Variants in SEC14L4 observed in about 807,000 individuals in gnomAD.
SEC14L4 encodes the protein SEC14 like lipid binding 4.
A neutral mutation model predicts 55.1 loss-of-function variants in SEC14L4; 42 were observed. The observed-to-expected ratio is 0.76, with a 90% CI of 0.60 to 0.99. The LOEUF (loss-of-function observed/expected upper bound fraction) is 0.99, where lower values mean the gene tolerates loss of function less well. Among genes scored for constraint, SEC14L4 ranks in the 50% least tolerant of loss-of-function variants. The pLI is 0.00. For synonymous variants in SEC14L4, 206 were observed against 206.8 expected, an observed-to-expected ratio of 1.00 and a Z score of 0.03; for missense variants, 445 against 512.1, an observed-to-expected ratio of 0.87 and a Z score of 1.27.
At chr22:30,501,805 C>T (rs1392699908) in intron 2 of SEC14L4, among the ~76,000 whole-genome samples, 1 of 142,642 alleles carries the variant, frequency 7.0e-6, no homozygotes, top group East Asian at 2.0e-4. Context: ...TAAAACTATT[C>T]TAAAAATTAA....
At chr22:30,501,344 G>A (rs1301407436) in intron 2 of SEC14L4, among the ~76,000 whole-genome samples, 1 of 152,114 alleles carries the variant, frequency 6.6e-6, no homozygotes, top group Non-Finnish European at 1.5e-5. Flanking sequence ...GGAAGCCTAG[G>A]TATCTGCAAT....
chr22:30,494,946 C>A lies in SEC14L4; in HGVS notation c.439G>T (p.Glu147Ter), dbSNP rs202208921. Residue 147 changes from glutamate (E) to a stop codon, truncating the protein, a stop_gained, in exon 6 of 12, where the codon GAG (glutamate) becomes TAG (stop). Coordinates refer to ENST00000255858, the MANE Select transcript of SEC14L4 (RefSeq NM_174977.4). LOFTEE classifies it high-confidence loss of function. ...LQTQKLGRKI[E>*]MALMVFDMEG... ...ATGTCAAACACCATCAGCGCCATCT[C>A]GATCTTCCTGCCCAGCTGCTTGGGA... 410 of 1,613,296 alleles carry A rather than the reference C, an allele frequency of 2.5e-4. 1 individual carries two copies. Among genetic ancestry groups the A allele is most frequent in the Non-Finnish European group, 3.3e-4 (393 of 1,179,900 alleles).
chr22:30,494,233 G>C, intron 6 of SEC14L4, 23 bp from the exon 7 acceptor site: 1 of 1,602,732 alleles, frequency 6.2e-7, no homozygotes. Context: ...GATGAGTCTG[G>C]TTGGGGCTCT....
rs577477910 is a variant in SEC14L4, at chr22:30,495,369, A to C, written c.308T>G (p.Ile103Ser). ...YEGCPVYFNIIGSLDPKGLLL... is the reference protein window; with the variant it reads ...YEGCPVYFNISGSLDPKGLLL... Reference sequence around the variant, plus strand: ...GAGACCCTTGGGGTCGAGGGACCCAATGATGTTGAAGTACACAGGGCAGCC... The same window carrying C: ...GAGACCCTTGGGGTCGAGGGACCCACTGATGTTGAAGTACACAGGGCAGCC... The change falls in exon 5 of 12, where the codon ATT (isoleucine) becomes AGT (serine). Residue 103 changes from isoleucine (I) to serine (S), a missense_variant. By Grantham distance (142) the Ile-to-Ser change is moderately radical. Transcript: ENST00000255858. 5 of 1,613,954 alleles carry C rather than the reference A, an allele frequency of 3.1e-6. No homozygotes were observed. Among genetic ancestry groups the C allele is most frequent in the Non-Finnish European group, 4.2e-6 (5 of 1,180,022 alleles).
chr22:30,491,429 G>A, intron 11 of SEC14L4, 144 bp downstream of exon 11: 1 of 844,750 alleles, frequency 1.2e-6, no homozygotes, highest in South Asian at 1.7e-5. Flanking sequence ...TACAGGTAGG[G>A]GCCACTCATC....
In SEC14L4 at chr22:30,491,578, C is replaced by T. The variant is rs771303466; in HGVS notation, c.1076G>A (p.Gly359Asp). Residue 359 changes from glycine (G) to aspartate (D), a missense_variant, in exon 11 of 12, where the codon GGC (glycine) becomes GAC (aspartate). Transcript: ENST00000255858. ...EDGSLTCLQA[G>D]VYVLRFDNTY... ...GTAAACCCCGCAGCTCTTACAGACG[C>T]CAGCCTGGAGGCAGGTGAGGCTCCC... The T allele has an allele frequency of 4.3e-6, 7 of 1,614,128 alleles. No homozygotes were observed. Among genetic ancestry groups the T allele is most frequent in the Middle Eastern group, 1.6e-4 (1 of 6,062 alleles).
rs372253628 is a variant in SEC14L4 at position 30,489,221 on chromosome 22, C to G, written c.*886G>C. ...GCCCCACCTCTCCATGTCCAATGTT[C>G]TTTCTTTATTTGTTTGTTTGTTTGT... On this transcript the variant is annotated 3_prime_UTR_variant, in exon 12 of 12. Coordinates refer to ENST00000255858, the MANE Select transcript of SEC14L4 (RefSeq NM_174977.4). 1 of 136,526 alleles carries G rather than the reference C, an allele frequency of 7.3e-6. No individual in the cohort carries two copies. Among genetic ancestry groups the G allele is most frequent in the Non-Finnish European group, 1.6e-5 (1 of 63,026 alleles). 8.5% of individuals were successfully genotyped at this position (136,526 alleles called of 1,614,324 possible).
rs764507377 is a variant in SEC14L4 at position 30,495,808 on chromosome 22, CG to C, written c.174+119del. 5.5e-5 allele frequency: 88 copies of C among 1,589,878 alleles called. 3 individuals carry two copies. The South Asian group carries it at 9.3e-4, about 17-fold the overall frequency. On this transcript the variant is annotated intron_variant, in intron 3 of 11. Transcript: ENST00000255858. The stretch of plus-strand genomic sequence containing the variant: ...ACTTGGGTCTGATGCAGAAAGAGAT[CG>C]GGGGAGGAAGAAAGAAGAAACAGGA...
At chr22:30,500,165 C>T (rs934650167) in intron 2 of SEC14L4, among the ~76,000 whole-genome samples, 3 of 152,102 alleles carry the variant, frequency 2.0e-5, no homozygotes, top group Non-Finnish European at 2.9e-5. Flanking sequence ...CCACCGCGCC[C>T]GGCCAACTGG....
At chr22:30,491,459 T>C (rs9608942) in intron 11 of SEC14L4, 114 bp downstream of exon 11, 268,796 of 1,244,986 alleles carry the variant, frequency 0.22, 30,942 homozygotes, top group Admixed American at 0.25. Flanking sequence ...GCCCCAAAGC[T>C]GGCTCCCCTG....
At position 30,490,938 on chromosome 22, in the gene SEC14L4, A is replaced by T. The variant is rs116995142; in HGVS notation, c.1081+635T>A. Among the ~76,000 whole-genome samples, 126 of 152,268 alleles carry T rather than the reference A, an allele frequency of 8.3e-4. 1 individual carries two copies. In the East Asian group the frequency reaches 0.014, roughly 17 times the overall value. On this transcript the variant is annotated intron_variant, in intron 11 of 11. Transcript: ENST00000255858. ...ATGTCCTTCAATGCCAAGGTCCAAC[A>T]TGAACTCAGGTGTGATGAGTCGTGC...
Position 30,505,591 on chromosome 22 carries a change from G to T in SEC14L4, c.21C>A (p.Asp7Glu). 1 of 1,568,862 alleles carries T rather than the reference G, an allele frequency of 6.4e-7. No individual in the cohort carries two copies. Among genetic ancestry groups the T allele is most frequent in the Non-Finnish European group, 8.6e-7 (1 of 1,160,740 alleles). The change falls in exon 1 of 12, where the codon GAC becomes GAA. Residue 7 changes from aspartate to glutamate, a missense_variant. Transcript: ENST00000255858. MSSRVGDLSPQQQEALA... is the reference protein window; with the variant it reads MSSRVGELSPQQQEALA... ...GCGCTTCCTGCTGCTGGGGGCTCAG[G>T]TCCCCGACTCGGCTGCTCATGGTGC...
At position 30,496,866 on chromosome 22, in the gene SEC14L4, T is replaced by C. The variant is rs540673898; in HGVS notation, c.131-895A>G. 2.0e-5 allele frequency among the ~76,000 whole-genome samples: 3 copies of C among 152,312 alleles called. No homozygotes were observed. The South Asian group carries it at 6.2e-4, about 32-fold the overall frequency. On this transcript the variant is annotated intron_variant, in intron 2 of 11. Coordinates refer to ENST00000255858, the MANE Select transcript of SEC14L4 (RefSeq NM_174977.4). ...TTTTGAAGAAATAGACACACTTTAA[T>C]TGAAAACATGATGCTGTATTTTAGA...
chr22:30,493,255 T>A (rs1936027315), intron 7 of SEC14L4, among the ~76,000 whole-genome samples: 1 of 152,152 alleles, frequency 6.6e-6, no homozygotes, highest in Admixed American at 6.6e-5. Context: ...GGGTGTGACA[T>A]CTACATGAGA....
In SEC14L4 at chr22:30,505,627, A is replaced by C; in HGVS notation, c.-16T>G. On this transcript the variant is annotated 5_prime_UTR_variant, in exon 1 of 12. Transcript: ENST00000255858. Reference sequence around the variant, plus strand: ...GGCTGCTCATGGTGCCCGCGGGCGCAGAAAGGCTCAGGGCGCAGGTCCGCC... The same window carrying C: ...GGCTGCTCATGGTGCCCGCGGGCGCCGAAAGGCTCAGGGCGCAGGTCCGCC... 1 of 1,546,280 alleles carries C rather than the reference A, an allele frequency of 6.5e-7. No homozygotes were observed. The highest frequency in any genetic ancestry group is 8.7e-7 in the Non-Finnish European group (1 of 1,151,020).
chr22:30,491,790 C>A, intron 10 of SEC14L4, 44 bp downstream of exon 10: 1 of 1,612,114 alleles, frequency 6.2e-7, no homozygotes, highest in East Asian at 2.2e-5. Context: ...GGGCTCCAGG[C>A]CCCTCCCAGA....
Position 30,495,978 on chromosome 22 carries a change from G to A in SEC14L4, c.131-7C>T. ...TGCAGGTCAAAGTTTCGAGCTGCAA[G>A]AAGAGGAGGTAAATAGAAGCTCAAG... is the stretch of plus-strand genomic sequence containing the variant. On this transcript the variant is annotated splice_polypyrimidine_tract_variant and splice_region_variant and intron_variant, in intron 2 of 11. Transcript: ENST00000255858. The A allele has an allele frequency of 6.2e-7, 1 of 1,613,410 alleles. No homozygotes were observed. Among genetic ancestry groups the A allele is most frequent in the Non-Finnish European group, 8.5e-7 (1 of 1,179,620 alleles).
rs1474695217 is a variant in SEC14L4, at chr22:30,490,171, G to A, written c.1157C>T (p.Pro386Leu). The A allele has an allele frequency of 6.2e-7, 1 of 1,614,144 alleles. No homozygotes were observed. ...CAGCGTCTCCTCAGAGGCCTTGTCGGGAAGCAGCACCTCCACAGTGTAGCT... is the reference window on the plus strand; with the variant it reads ...CAGCGTCTCCTCAGAGGCCTTGTCGAGAAGCAGCACCTCCACAGTGTAGCT... ...KLSYTVEVLL[P>L]DKASEETLQS... The change falls in exon 12 of 12, where the codon CCC (proline) becomes CTC (leucine). Residue 386 changes from proline (P) to leucine (L), a missense_variant. Physicochemically the swap from Pro to Leu is moderately conservative, Grantham distance 98. Coordinates refer to ENST00000255858, the MANE Select transcript of SEC14L4 (RefSeq NM_174977.4).
Position 30,503,769 on chromosome 22 carries a change from C to G in SEC14L4, c.55-17G>C. Reference sequence around the variant, plus strand: ...CTCCCGGAACTGAGCGGAGGAGGATCTGATGGTCGGCGGAGCTCTCATGAC... The same window carrying G: ...CTCCCGGAACTGAGCGGAGGAGGATGTGATGGTCGGCGGAGCTCTCATGAC... On this transcript the variant is annotated splice_polypyrimidine_tract_variant and intron_variant, in intron 1 of 11. Coordinates refer to ENST00000255858, the MANE Select transcript of SEC14L4 (RefSeq NM_174977.4). The G allele has an allele frequency of 6.2e-7, 1 of 1,609,214 alleles. No individual in the cohort carries two copies. The highest frequency in any genetic ancestry group is 8.5e-7 in the Non-Finnish European group (1 of 1,176,876).
Sources: gnomAD v4.1 joint callset for allele counts (sites outside exome capture counted in the v4.1 genomes callset) on GRCh38, gnomAD v4.1.1 for gene constraint, MANE v1.5 for transcripts, NCBI Gene and HGNC (gene_info 2026-07-23, HGNC 2026-07-21) for gene names.